Variants in SCN1A observed in about 807,000 individuals in gnomAD.
The protein encoded by SCN1A is sodium voltage-gated channel alpha subunit 1.
In SCN1A, 13 loss-of-function variants were observed where a neutral mutation model predicts 193.7. The observed-to-expected ratio is 0.07, with a 90% CI of 0.04 to 0.11. SCN1A has a LOEUF of 0.11. Ranked by LOEUF, SCN1A falls within the 10% of genes least tolerant of loss-of-function variation. The probability of loss-of-function intolerance (pLI) is 1.00; values close to 1 mark genes in which losing one functional copy is unlikely to be tolerated. For missense variants in SCN1A, 1,432 were observed against 2,451.1 expected, an observed-to-expected ratio of 0.58 and a Z score of 8.78; for synonymous variants, 781 against 843.6, an observed-to-expected ratio of 0.93 and a Z score of 1.29.
intron 1 of SCN1A, among the ~76,000 whole-genome samples, chr2:166,141,952 G>C (rs1440589436): frequency 1.3e-5 from 2 of 151,994 alleles, no homozygotes; most frequent in Non-Finnish European, 2.9e-5. Flanking sequence ...TCCATCACCA[G>C]AAATTATCAA....
At chr2:166,093,194 GA>G (rs367897541) in intron 2 of SCN1A, among the ~76,000 whole-genome samples, 5 of 145,944 alleles carry the variant, frequency 3.4e-5, no homozygotes, top group Middle Eastern at 3.2e-3. Context: ...GGCCAAAGCA[GA>G]AAAAAAAAAC....
At position 166,082,905 on chromosome 2, in the gene SCN1A, G is replaced by A. The variant is rs148684240; in HGVS notation, c.-141-5104C>T. Among the ~76,000 whole-genome samples, 306 of 152,102 alleles carry A rather than the reference G, an allele frequency of 2.0e-3. 4 individuals are homozygous for A. The Middle Eastern group carries it at 0.024, about 12-fold the overall frequency. On this transcript the variant is annotated intron_variant, in intron 2 of 28. Transcript: ENST00000674923. ...CAAAAAGACTTCTGCCAAAATGCTT[G>A]CCATCTCCTTGTAAAGAGCTATTAC...
At chr2:166,088,113 A>AATT (rs3032642) in intron 2 of SCN1A, among the ~76,000 whole-genome samples, 33,272 of 151,476 alleles carry the variant, frequency 0.22, 3,828 homozygotes, top group Middle Eastern at 0.47. Context: ...CACAATCTTG[A>AATT]ATTGTCACTA....
At chr2:166,005,299 G>T (rs1691512008) in intron 23 of SCN1A, among the ~76,000 whole-genome samples, 1 of 151,396 alleles carries the variant, frequency 6.6e-6, no homozygotes, top group Admixed American at 6.6e-5. Context: ...AGTATTTATT[G>T]ATCAAAGCAT....
rs11901742 is a variant in SCN1A, at chr2:166,144,010, G to C, written c.-50+5037C>G. Among the ~76,000 whole-genome samples, 661 of 152,316 alleles carry C rather than the reference G, an allele frequency of 4.3e-3. 5 individuals are homozygous for C. The highest frequency in any genetic ancestry group is 0.015 in the African/African-American group (640 of 41,578). Reference sequence around the variant, plus strand: ...AGAACATCTCCGTATCAAACCCAAAGAGATTTTCTCAAGTGAAATAAAGTG... The same window carrying C: ...AGAACATCTCCGTATCAAACCCAAACAGATTTTCTCAAGTGAAATAAAGTG... On this transcript the variant is annotated intron_variant, in intron 1 of 26. Transcript: ENST00000635750.
At chr2:166,068,629 C>G (rs1234281985) in intron 4 of SCN1A, among the ~76,000 whole-genome samples, 1 of 152,140 alleles carries the variant, frequency 6.6e-6, no homozygotes, top group Non-Finnish European at 1.5e-5. Context: ...AAAACAAACT[C>G]TCTCCACCCA....
intron 2 of SCN1A, among the ~76,000 whole-genome samples, chr2:166,125,258 C>G (rs1691106488): frequency 6.6e-6 from 1 of 152,202 alleles, no homozygotes; most frequent in South Asian, 2.1e-4. Context: ...TCCCATCCTT[C>G]TCTGGGATCT....
At chr2:166,046,601 A>G (rs1697848259) in intron 12 of SCN1A, among the ~76,000 whole-genome samples, 169 bp downstream of exon 12, 1 of 152,190 alleles carries the variant, frequency 6.6e-6, no homozygotes, top group Admixed American at 6.5e-5. Context: ...TATTATACAC[A>G]TCTCAAATAA....
chr2:166,125,240 T>C (rs987175682), intron 2 of SCN1A, among the ~76,000 whole-genome samples: 1 of 152,354 alleles, frequency 6.6e-6, no homozygotes, highest in East Asian at 1.9e-4. Context: ...CTTCAATTGC[T>C]GATTCTCTCC....
rs1351904755 is a variant in SCN1A at position 166,032,072 on chromosome 2, C to A, written c.3429+3976G>T. ...ATGATGCATTGTAGATAAGTCATTA[C>A]TGGAATTCAGGAATGGAAACAATAA... is the stretch of plus-strand genomic sequence containing the variant. On this transcript the variant is annotated intron_variant, in intron 19 of 28. Transcript: ENST00000674923. 2.6e-5 allele frequency among the ~76,000 whole-genome samples: 4 copies of A among 151,824 alleles called. 1 individual carries two copies. The highest frequency in any genetic ancestry group is 4.4e-5 in the Non-Finnish European group (3 of 67,940).
chr2:166,085,023 G>A (rs889444129), intron 2 of SCN1A, among the ~76,000 whole-genome samples: 2 of 152,128 alleles, frequency 1.3e-5, no homozygotes, highest in Admixed American at 6.5e-5. Flanking sequence ...ACAAACATTA[G>A]TGGTTCTCCC....
chr2:166,076,087 AT>A (rs1477796891), intron 3 of SCN1A, among the ~76,000 whole-genome samples: 2 of 151,708 alleles, frequency 1.3e-5, no homozygotes, highest in East Asian at 1.9e-4. Context: ...AAAAATGTAT[AT>A]TTTTTGACTT....
chr2:166,044,900 A>G (rs1574222515), intron 13 of SCN1A, 143 bp downstream of exon 13: 3 of 871,476 alleles, frequency 3.4e-6, no homozygotes, highest in South Asian at 1.6e-5. Flanking sequence ...TTGCATAACT[A>G]TGTGAAGAAG....
chr2:166,070,609 T>G (rs937294725), intron 4 of SCN1A, among the ~76,000 whole-genome samples: 1 of 152,142 alleles, frequency 6.6e-6, no homozygotes, highest in Admixed American at 6.5e-5. Context: ...TTAAGATGTT[T>G]CTTTTGAGTA....
In SCN1A at chr2:165,994,648, T is replaced by TA. The variant is rs1219980328; in HGVS notation, c.4582-233dup. 2.6e-5 allele frequency among the ~76,000 whole-genome samples: 3 copies of TA among 114,414 alleles called. No homozygotes were observed. The East Asian group carries it at 1.0e-3, about 38-fold the overall frequency. The allele number at this position is 114,414 out of a possible 152,430, so 75.1% of individuals were successfully genotyped here. ...TCCCTTATCCAAAGAAGGTTTCTGA[T>TA]AAAAACAAACAAACAAACAAACAAA... is the stretch of plus-strand genomic sequence containing the variant. On this transcript the variant is annotated intron_variant, in intron 27 of 28. Coordinates refer to ENST00000674923, the MANE Select transcript of SCN1A (RefSeq NM_001165963.4).
intron 26 of SCN1A, 115 bp from the exon 27 acceptor site, chr2:165,996,232 AT>A (rs1690036179): frequency 1.5e-6 from 1 of 655,598 alleles, no homozygotes; most frequent in African/African-American, 1.8e-5. Flanking sequence ...ACTGATTAGT[AT>A]AATTATATCT....
intron 23 of SCN1A, among the ~76,000 whole-genome samples, chr2:166,003,950 T>A (rs954807633): frequency 5.9e-5 from 9 of 151,624 alleles, no homozygotes; most frequent in African/African-American, 2.2e-4. Context: ...CTCTAGGCCT[T>A]CTGGGGAACA....
chr2:166,008,629 T>C (rs1372491416), intron 23 of SCN1A, among the ~76,000 whole-genome samples: 3 of 151,146 alleles, frequency 2.0e-5, no homozygotes, highest in African/African-American at 4.8e-5. Context: ...AGTTTTCATA[T>C]ATGTTAGGGA....
At chr2:166,017,527 T>G (rs751634960) in intron 19 of SCN1A, among the ~76,000 whole-genome samples, 16 of 152,052 alleles carry the variant, frequency 1.1e-4, no homozygotes, top group Non-Finnish European at 2.2e-4. Context: ...AGGCTAAGAC[T>G]TGTCACTTCA....
Sources: allele counts gnomAD v4.1 joint callset (sites outside exome capture counted in the v4.1 genomes callset), GRCh38; gene constraint gnomAD v4.1.1; transcripts MANE v1.5; gene names NCBI Gene and HGNC (gene_info 2026-07-23, HGNC 2026-07-21).